HSF5: variants seen among roughly 807,000 people sequenced by gnomAD.
The protein encoded by HSF5 is heat shock factor protein 5.
HSF5 carries 5 observed loss-of-function variants against 50.8 expected under a neutral mutation model. The ratio of observed to expected loss-of-function variants is 0.10; its 90% CI spans 0.05 to 0.21. HSF5 has a LOEUF of 0.21. Among genes scored for constraint, HSF5 ranks in the 10% least tolerant of loss-of-function variants. HSF5 has a pLI of 1.00. For missense variants in HSF5, 564 were observed against 762.6 expected (o/e 0.74, Z 3.07); for synonymous variants, 307 against 307.4 (o/e 1.00, Z 0.02).
chr17:58,438,288 T>G (rs1974453465), intron 5 of HSF5, among the ~76,000 whole-genome samples: 1 of 152,238 alleles, frequency 6.6e-6, no homozygotes, highest in Non-Finnish European at 1.5e-5. Context: ...TAAGGGTTTG[T>G]AGCCTAGAAG....
chr17:58,481,946 G>A (rs890943919), intron 1 of HSF5, among the ~76,000 whole-genome samples: 2 of 152,174 alleles, frequency 1.3e-5, no homozygotes, highest in Non-Finnish European at 2.9e-5. Context: ...GTTGCAGTAA[G>A]CTGAGATTGA....
intron 2 of HSF5, among the ~76,000 whole-genome samples, chr17:58,479,523 G>A (rs1032368860): frequency 2.0e-5 from 3 of 151,860 alleles, no homozygotes; most frequent in Non-Finnish European, 1.5e-5. Flanking sequence ...GGCTGGTCTC[G>A]AACTCCTGAC....
At chr17:58,447,204 T>C (rs1192154330) in intron 5 of HSF5, among the ~76,000 whole-genome samples, 1 of 152,182 alleles carries the variant, frequency 6.6e-6, no homozygotes, top group Admixed American at 6.5e-5. Flanking sequence ...ACACAGCACC[T>C]GGCAGAACAC....
intron 4 of HSF5, among the ~76,000 whole-genome samples, chr17:58,461,412 A>C (rs1974792052): frequency 6.6e-6 from 1 of 152,198 alleles, no homozygotes; most frequent in African/African-American, 2.4e-5. Flanking sequence ...GCTGCAAAAA[A>C]CAAAAACCTG....
At chr17:58,434,730 T>C (rs1974405171) in intron 5 of HSF5, among the ~76,000 whole-genome samples, 1 of 152,038 alleles carries the variant, frequency 6.6e-6, no homozygotes, top group Non-Finnish European at 1.5e-5. Flanking sequence ...GGCATGAGCC[T>C]GTGGTCCCAG....
intron 5 of HSF5, among the ~76,000 whole-genome samples, chr17:58,438,774 T>C (rs1974460257): frequency 6.6e-6 from 1 of 152,060 alleles, no homozygotes; most frequent in Non-Finnish European, 1.5e-5. Context: ...GTTCAGTAAC[T>C]GGGTCATGAA....
intron 4 of HSF5, among the ~76,000 whole-genome samples, chr17:58,461,468 C>T (rs1428565444): frequency 6.6e-6 from 1 of 151,858 alleles, no homozygotes. Context: ...GAGTTTCAGT[C>T]CTATTGAAGA....
intron 2 of HSF5, among the ~76,000 whole-genome samples, chr17:58,471,026 T>C (rs917455020): frequency 5.3e-5 from 8 of 152,312 alleles, no homozygotes; most frequent in African/African-American, 1.9e-4. Context: ...GAATGGTGGT[T>C]GCTAGGGACA....
intron 5 of HSF5, among the ~76,000 whole-genome samples, chr17:58,425,354 C>T (rs913882016): frequency 2.7e-4 from 41 of 151,026 alleles, no homozygotes; most frequent in African/African-American, 9.5e-4. Flanking sequence ...TGCAGTGAGC[C>T]GAGATTGCGT....
In HSF5 at chr17:58,478,280, A is replaced by AATAAATAT. The variant is rs397965766; in HGVS notation, c.925+1612_925+1613insATATTTAT. On this transcript the variant is annotated intron_variant, in intron 2 of 5. Coordinates refer to ENST00000323777, the MANE Select transcript of HSF5 (RefSeq NM_001080439.3). ...AACCCTGTCTCTACTAAAATAAATA[A>AATAAATAT]ATATATATATATATATATATACACA... 3.4e-3 allele frequency among the ~76,000 whole-genome samples: 454 copies of AATAAATAT among 132,764 alleles called. 3 individuals carry two copies. The highest frequency in any genetic ancestry group is 0.021 in the East Asian group (96 of 4,540). 87.1% of individuals were successfully genotyped at this position (132,764 alleles called of 152,430 possible).
chr17:58,447,470 G>A (rs1974575280), intron 5 of HSF5, among the ~76,000 whole-genome samples: 1 of 152,108 alleles, frequency 6.6e-6, no homozygotes, highest in African/African-American at 2.4e-5. Context: ...AGCACCGGCT[G>A]CCACAGCCAT....
In HSF5 at chr17:58,459,503, C is replaced by T. The variant is rs564190569; in HGVS notation, c.1543-558G>A. Among the ~76,000 whole-genome samples, 13 of 151,830 alleles carry T rather than the reference C, an allele frequency of 8.6e-5. No homozygotes were observed. In the South Asian group the frequency reaches 1.1e-3, roughly 12 times the overall value. ...TCTACCAAAAATACAAAAAATTAGC[C>T]GGGCGTGGTAGCAGGTGCCTGTAAT... On this transcript the variant is annotated intron_variant, in intron 4 of 5. Transcript: ENST00000323777.
chr17:58,437,097 G>T (rs7207286), intron 5 of HSF5, among the ~76,000 whole-genome samples: 39,288 of 152,018 alleles, frequency 0.26, 5,704 homozygotes, highest in African/African-American at 0.38. Context: ...AAAGAAAGTG[G>T]GCCAAGTTCT....
In HSF5 at chr17:58,447,598, AAC is replaced by A. The variant is rs780546536; in HGVS notation, c.1720+11168_1720+11169del. On this transcript the variant is annotated intron_variant, in intron 5 of 5. Transcript: ENST00000323777. ...GGGGACTTTACTTGAGAACCCAGGG[AAC>A]TCTCCCTGATCTTCCTCAAGTTCAT... Among the ~76,000 whole-genome samples the A allele has an allele frequency of 1.1e-4, 17 of 152,160 alleles. 1 individual carries two copies. The highest frequency in any genetic ancestry group is 2.1e-4 in the Non-Finnish European group (14 of 67,998).
intron 2 of HSF5, among the ~76,000 whole-genome samples, chr17:58,469,301 G>C (rs779387766): frequency 6.6e-6 from 1 of 151,974 alleles, no homozygotes; most frequent in Non-Finnish European, 1.5e-5. Flanking sequence ...ATTTTGAATA[G>C]GTGTAAAAAT....
intron 5 of HSF5, among the ~76,000 whole-genome samples, chr17:58,435,898 CAAAAAA>C (rs11458311): frequency 3.3e-5 from 2 of 60,290 alleles, no homozygotes; most frequent in African/African-American, 1.3e-4. Flanking sequence ...GACTCCATCT[CAAAAAA>C]AAAAAAAAAA....
At chr17:58,448,377 CAAG>C (rs1357556838) in intron 5 of HSF5, among the ~76,000 whole-genome samples, 3 of 152,080 alleles carry the variant, frequency 2.0e-5, no homozygotes, top group South Asian at 4.2e-4. Context: ...TATTCAGGTA[CAAG>C]AAGGTCAGAG....
chr17:58,453,803 TC>T (rs1373349222), intron 5 of HSF5, among the ~76,000 whole-genome samples: 1 of 151,414 alleles, frequency 6.6e-6, no homozygotes, highest in Admixed American at 6.6e-5. Context: ...AAATTCAACA[TC>T]CTGGCCGGGC....
chr17:58,482,580 A>G (rs927422737), intron 1 of HSF5, among the ~76,000 whole-genome samples: 3 of 151,766 alleles, frequency 2.0e-5, no homozygotes, highest in South Asian at 4.2e-4. Context: ...TTGGTGGCAC[A>G]CACCTTGTAG....
Sources: allele counts gnomAD v4.1 joint callset (sites outside exome capture counted in the v4.1 genomes callset), GRCh38; gene constraint gnomAD v4.1.1; transcripts MANE v1.5; gene names NCBI Gene and HGNC (gene_info 2026-07-23, HGNC 2026-07-21).